Variants in PTPRS observed in about 807,000 individuals in gnomAD.
PTPRS encodes the protein protein tyrosine phosphatase receptor type S.
PTPRS carries 63 observed loss-of-function variants against 215.3 expected under a neutral mutation model. That is an observed-to-expected ratio of 0.29 (90% CI 0.24 to 0.36). The LOEUF is 0.36. PTPRS is among the 10% of genes least tolerant of loss of function. PTPRS has a pLI of 1.00. For synonymous variants in PTPRS, 1,404 were observed against 1,191.4 expected (o/e 1.18, Z -3.68); for missense variants, 2,258 against 2,825.8 (o/e 0.80, Z 4.56).
At chr19:5,277,667 AAAG>A in intron 2 of PTPRS, 5 of 481,554 alleles carry the variant, frequency 1.0e-5, no homozygotes, top group Non-Finnish European at 1.9e-5. Context: ...AAAAAAAAAA[AAAG>A]GAGGAAAAGC....
intron 1 of PTPRS, among the ~76,000 whole-genome samples, chr19:5,328,081 T>C (rs2050217555): frequency 6.6e-6 from 1 of 152,160 alleles, no homozygotes; most frequent in Admixed American, 6.6e-5. Context: ...CTCAGAGACA[T>C]CACCCTCAAA....
chr19:5,310,382 A>G (rs1568604211), intron 1 of PTPRS, among the ~76,000 whole-genome samples: 1 of 149,046 alleles, frequency 6.7e-6, no homozygotes, highest in African/African-American at 2.5e-5. Flanking sequence ...CAGTGGCGCA[A>G]TCTCGGCTCA....
At chr19:5,328,763 C>G (rs1170306183) in intron 1 of PTPRS, among the ~76,000 whole-genome samples, 1 of 152,000 alleles carries the variant, frequency 6.6e-6, no homozygotes, top group Non-Finnish European at 1.5e-5. Flanking sequence ...AACCCAGTCT[C>G]TACTAAAAAT....
chr19:5,330,136 C>T (rs1034881941), intron 1 of PTPRS, among the ~76,000 whole-genome samples: 1 of 151,954 alleles, frequency 6.6e-6, no homozygotes, highest in Admixed American at 6.6e-5. Context: ...GAGCATCCAT[C>T]TAAATGCAGC....
intron 1 of PTPRS, among the ~76,000 whole-genome samples, chr19:5,303,117 G>T (rs1936000509): frequency 6.6e-6 from 1 of 151,940 alleles, no homozygotes; most frequent in Non-Finnish European, 1.5e-5. Context: ...AAAAAACCGT[G>T]GCTCACAGGA....
chr19:5,298,050 T>G (rs889905489), intron 1 of PTPRS, among the ~76,000 whole-genome samples: 2 of 152,098 alleles, frequency 1.3e-5, no homozygotes, highest in Non-Finnish European at 2.9e-5. Flanking sequence ...CGCCTCGGCC[T>G]CCCAAAGTGT....
In PTPRS at chr19:5,244,021, G is replaced by A. The variant is rs1269607660; in HGVS notation, c.1450C>T (p.Leu484=). The change falls in exon 11 of 38, where the codon CTG becomes TTG. Residue 484 remains leucine, a synonymous_variant. Coordinates refer to ENST00000262963, the MANE Select transcript of PTPRS (RefSeq NM_002850.4). The surrounding 1 kb of genome is among the most constrained non-coding windows in gnomAD (Gnocchi z 7.2). The part of the protein sequence containing the change: ...NWQKHNVDDS[L]LTTVGSLLED... ...AGCAGGCTGCCCACGGTGGTCAGCA[G>A]GCTGTCGTCCACGTTGTGCTTCTGC... 12 of 1,608,244 alleles carry A rather than the reference G, an allele frequency of 7.5e-6. No homozygotes were observed. The highest frequency in any genetic ancestry group is 2.2e-5 in the East Asian group (1 of 44,876).
At chr19:5,309,290 G>A (rs990547309) in intron 1 of PTPRS, among the ~76,000 whole-genome samples, 4 of 152,164 alleles carry the variant, frequency 2.6e-5, no homozygotes, top group African/African-American at 9.7e-5. Context: ...CTGCAAATTA[G>A]ACCTCCCTTC....
intron 16 of PTPRS, 37 bp downstream of exon 16, chr19:5,229,279 G>A: frequency 7.3e-7 from 1 of 1,371,930 alleles, no homozygotes; most frequent in Admixed American, 3.1e-5. Flanking sequence ...CGCGGGAAGC[G>A]CACAGCAGTA....
At chr19:5,214,225 A>G in intron 30 of PTPRS, 136 bp downstream of exon 30, 3 of 1,262,742 alleles carry the variant, frequency 2.4e-6, no homozygotes, top group Non-Finnish European at 3.3e-6. Context: ...TTCCATGAGA[A>G]TGTAGTCAGC....
At position 5,214,695 on chromosome 19, in the gene PTPRS, C is replaced by T. The variant is rs1457749790; in HGVS notation, c.4360G>A (p.Gly1454Ser). 8.1e-6 allele frequency: 13 copies of T among 1,612,232 alleles called. No homozygotes were observed. The highest frequency in any genetic ancestry group is 2.2e-5 in the East Asian group (1 of 44,838). ...SDYINANYVD[G>S]YRCQNAYIAT... ...ATGTACGCGTTCTGACACCGGTAGCCGTCCACGTAGTTGGCATTGATGTAA... is the reference window on the plus strand; with the variant it reads ...ATGTACGCGTTCTGACACCGGTAGCTGTCCACGTAGTTGGCATTGATGTAA... Residue 1454 changes from glycine (G) to serine (S), a missense_variant, in exon 29 of 38, where the codon GGC (glycine) becomes AGC (serine). Coordinates refer to ENST00000262963, the MANE Select transcript of PTPRS (RefSeq NM_002850.4).
intron 11 of PTPRS, among the ~76,000 whole-genome samples, chr19:5,243,691 C>T (rs59649872): frequency 0.4 from 60,260 of 151,916 alleles, 12,934 homozygotes; most frequent in Non-Finnish European, 0.49. Context: ...ATGCTGGTCT[C>T]GAACTCCTGA....
At chr19:5,333,080 C>T (rs898319949) in intron 1 of PTPRS, among the ~76,000 whole-genome samples, 6 of 151,978 alleles carry the variant, frequency 3.9e-5, no homozygotes, top group African/African-American at 9.6e-5. Context: ...ACCCGGGAGG[C>T]GGAGATTGCA....
chr19:5,290,203 G>A (rs2048696705), intron 1 of PTPRS, among the ~76,000 whole-genome samples: 1 of 152,216 alleles, frequency 6.6e-6, no homozygotes, highest in South Asian at 2.1e-4. Flanking sequence ...CTAGCTCACG[G>A]CAGCTGGTCA....
At chr19:5,231,637 TG>T (rs752923729) in intron 13 of PTPRS, 22 bp from the exon 14 acceptor site, 7 of 65,980 alleles carry the variant, frequency 1.1e-4, no homozygotes, top group East Asian at 5.9e-4. Context: ...GGGGAGAACG[TG>T]GGGGGGTGGG....
At chr19:5,273,609 CAG>C (rs1195660118) in intron 3 of PTPRS, 26 bp from the exon 4 acceptor site, 37 of 1,613,474 alleles carry the variant, frequency 2.3e-5, no homozygotes, top group Non-Finnish European at 3.1e-5. Flanking sequence ...GAAAAAAGAA[CAG>C]AGTGAGGCTG....
rs992418023 is a variant in PTPRS, at chr19:5,295,513, C to T, written c.-94-9279G>A. Among the ~76,000 whole-genome samples, 1 of 151,910 alleles carries T rather than the reference C, an allele frequency of 6.6e-6. No homozygotes were observed. The highest frequency in any genetic ancestry group is 2.4e-5 in the African/African-American group (1 of 41,390). ...CCCCATCAGCACAGAGCCCTACATG[C>T]GCCTAGTCCCCGGGTCTGCCTCTCC... On this transcript the variant is annotated intron_variant, in intron 1 of 37. Transcript: ENST00000262963. This position sits in a 1 kb window ranked among gnomAD's most constrained non-coding sequence, Gnocchi z 4.6.
At chr19:5,309,737 A>G (rs1481627811) in intron 1 of PTPRS, among the ~76,000 whole-genome samples, 1 of 152,030 alleles carries the variant, frequency 6.6e-6, no homozygotes, top group Non-Finnish European at 1.5e-5. Context: ...AACCACTTGG[A>G]GAAGCCAGCC....
At chr19:5,214,857 T>C (rs2145146105) in intron 28 of PTPRS, 121 bp from the exon 29 acceptor site, 2 of 1,045,986 alleles carry the variant, frequency 1.9e-6, no homozygotes, top group Admixed American at 2.7e-5. Context: ...AAGGTGACCA[T>C]GGGACGTGTA....
Sources: allele counts gnomAD v4.1 joint callset (sites outside exome capture counted in the v4.1 genomes callset), GRCh38; gene constraint gnomAD v4.1.1; non-coding constraint Gnocchi (gnomAD v3.1); transcripts MANE v1.5; gene names NCBI Gene and HGNC (gene_info 2026-07-23, HGNC 2026-07-21).